Variants in NCAM1 observed in about 807,000 individuals in gnomAD.
The protein encoded by NCAM1 is antigen recognized by monoclonal antibody 5.1H11.
A neutral mutation model predicts 109.8 loss-of-function variants in NCAM1; 14 were observed. That is an observed-to-expected ratio of 0.13 (90% CI 0.08 to 0.20). The LOEUF is 0.20. Ranked by LOEUF, NCAM1 falls within the 10% of genes least tolerant of loss-of-function variation. NCAM1 has a pLI of 1.00. For missense variants in NCAM1, 774 were observed against 1,109.9 expected (o/e 0.70, Z 4.30); for synonymous variants, 418 against 442.9 (o/e 0.94, Z 0.70).
rs1945291829 is a variant in NCAM1, at chr11:113,240,596, G to A, written c.1825+5432G>A. ...TGGCAGGTGCACAGTCTCAAGGTTTGACGTTAGAGAGAGCCCTGCTCCTCG... is the reference window on the plus strand; with the variant it reads ...TGGCAGGTGCACAGTCTCAAGGTTTAACGTTAGAGAGAGCCCTGCTCCTCG... On this transcript the variant is annotated intron_variant, in intron 14 of 19. Transcript: ENST00000316851. 1.8e-5 allele frequency: 11 copies of A among 613,232 alleles called. No homozygotes were observed. The South Asian group carries it at 2.2e-4, about 12-fold the overall frequency. 38.0% of individuals were successfully genotyped at this position (613,232 alleles called of 1,614,324 possible). A position where few individuals can be genotyped will look rare whatever the true frequency, so the allele number is the denominator to read the frequency against.
chr11:112,977,715 T>C (rs1023576058), intron 1 of NCAM1, among the ~76,000 whole-genome samples: 3 of 152,002 alleles, frequency 2.0e-5, no homozygotes, highest in East Asian at 1.9e-4. Context: ...TATTGTGTAA[T>C]CTTCTGTTTA....
At chr11:113,217,883 T>C (rs782393387) in intron 8 of NCAM1, among the ~76,000 whole-genome samples, 30 of 152,184 alleles carry the variant, frequency 2.0e-4, no homozygotes, top group South Asian at 2.1e-4. Context: ...TCATCTCTAG[T>C]CCCCTTCCTG....
rs1946362406 is a variant in NCAM1 at position 113,274,418 on chromosome 11, G to A, written c.2457-849G>A. 6.6e-6 allele frequency among the ~76,000 whole-genome samples: 1 copy of A among 152,180 alleles called. No individual in the cohort carries two copies. Among genetic ancestry groups the A allele is most frequent in the African/African-American group, 2.4e-5 (1 of 41,442 alleles). On this transcript the variant is annotated intron_variant, in intron 19 of 19. Coordinates refer to ENST00000316851, the MANE Select transcript of NCAM1 (RefSeq NM_181351.5). This position sits in a 1 kb window ranked among gnomAD's most constrained non-coding sequence, Gnocchi z 4.1. ...AAATTCAGTGGCACCAGCTGAGGCT[G>A]GGGTCTGTGCCTGTCCCCATGCATC...
intron 10 of NCAM1, 128 bp from the exon 11 acceptor site, chr11:113,232,042 C>A: frequency 3.9e-6 from 4 of 1,032,792 alleles, no homozygotes; most frequent in Admixed American, 2.8e-5. Flanking sequence ...CTAGAATGGC[C>A]CTGACCTCTA....
intron 1 of NCAM1, among the ~76,000 whole-genome samples, chr11:113,058,062 A>C (rs1953777542): frequency 6.6e-6 from 1 of 152,086 alleles, no homozygotes; most frequent in Admixed American, 6.6e-5. Flanking sequence ...AGGTGGGCGT[A>C]TTATGAGGCC....
rs528459885 is a variant in NCAM1 at position 113,221,301 on chromosome 11, G to A, written c.1065G>A (p.Ser355=). 1.2e-5 allele frequency: 19 copies of A among 1,564,960 alleles called. No homozygotes were observed. In the East Asian group the frequency reaches 1.6e-4, roughly 13 times the overall value. Residue 355 remains serine, a synonymous_variant, in exon 9 of 20, where the codon TCG becomes TCA. Coordinates refer to ENST00000316851, the MANE Select transcript of NCAM1 (RefSeq NM_181351.5). ...TRNISSEEKA[S]WTRPEKQETL... is the part of the protein sequence containing the mutation. ...TTATATCTTGTTTTCTCCAGGCTTC[G>A]TGGACTCGACCAGAGAAGCAAGAGG...
At chr11:113,190,101 A>G (rs1453330573) in intron 1 of NCAM1, among the ~76,000 whole-genome samples, 1 of 151,958 alleles carries the variant, frequency 6.6e-6, no homozygotes, top group African/African-American at 2.4e-5. Flanking sequence ...CTCCCAACTG[A>G]CTCCACCTAA....
intron 13 of NCAM1, among the ~76,000 whole-genome samples, chr11:113,234,616 G>A (rs1395286825): frequency 6.6e-6 from 1 of 152,222 alleles, no homozygotes; most frequent in Non-Finnish European, 1.5e-5. Flanking sequence ...GTTGTAGCAT[G>A]TGTCAGAATT....
At chr11:113,009,316 T>TTTTTTTGTTG (rs1951975687) in intron 1 of NCAM1, among the ~76,000 whole-genome samples, 1 of 99,224 alleles carries the variant, frequency 1.0e-5, no homozygotes, top group African/African-American at 4.2e-5. Context: ...TTTCGGGTTT[T>TTTTTTTGTTG]TTTTTTTTTT....
intron 1 of NCAM1, among the ~76,000 whole-genome samples, chr11:112,976,419 A>G (rs1181752697): frequency 1.3e-5 from 2 of 151,910 alleles, no homozygotes; most frequent in Admixed American, 6.6e-5. Flanking sequence ...TATTAAATGT[A>G]CAAAGGAGGA....
rs562102308 is a variant in NCAM1, at chr11:113,082,709, G to A, written c.53-119670G>A. ...GTGCTTGACACATCTATGACTGAAC[G>A]CAGGACAATGCCGGATCATGTCGGT... On this transcript the variant is annotated intron_variant, in intron 1 of 19. Transcript: ENST00000316851. 1.2e-4 allele frequency among the ~76,000 whole-genome samples: 19 copies of A among 152,318 alleles called. No individual in the cohort carries two copies. In the South Asian group the frequency reaches 3.9e-3, roughly 32 times the overall value.
chr11:113,107,842 G>A (rs575543950), intron 1 of NCAM1, among the ~76,000 whole-genome samples: 32 of 152,280 alleles, frequency 2.1e-4, no homozygotes, highest in Non-Finnish European at 4.0e-4. Flanking sequence ...AGGGAGTGTA[G>A]TCCTCTGCAG....
chr11:113,107,579 TTATGTGC>T lies in NCAM1; in HGVS notation c.53-94798_53-94792del, dbSNP rs1207799291. Among the ~76,000 whole-genome samples the T allele has an allele frequency of 2.0e-5, 3 of 152,144 alleles. No homozygotes were observed. The East Asian group carries it at 5.8e-4, about 29-fold the overall frequency. ...CATGGTGGAAGGGGAAAGGCATTTC[TTATGTGC>T]TGACAGGCAAGAGAGAGAATGAGAA... is the stretch of plus-strand genomic sequence containing the variant. On this transcript the variant is annotated intron_variant, in intron 1 of 19. Coordinates refer to ENST00000316851, the MANE Select transcript of NCAM1 (RefSeq NM_181351.5).
At chr11:113,191,136 C>G (rs969256578) in intron 1 of NCAM1, among the ~76,000 whole-genome samples, 2 of 152,160 alleles carry the variant, frequency 1.3e-5, no homozygotes, top group East Asian at 3.9e-4. Context: ...CGACCCCATC[C>G]CTGTTGGCAT....
intron 1 of NCAM1, among the ~76,000 whole-genome samples, chr11:113,184,048 T>C (rs1333368604): frequency 3.3e-5 from 5 of 152,238 alleles, no homozygotes; most frequent in Non-Finnish European, 5.9e-5. Context: ...GCAGTGGCTA[T>C]GAATTCCCAA....
At chr11:113,177,724 G>A (rs1275918737) in intron 1 of NCAM1, among the ~76,000 whole-genome samples, 5 of 152,080 alleles carry the variant, frequency 3.3e-5, no homozygotes, top group South Asian at 2.1e-4. Context: ...ATGAGGCACC[G>A]CACCTGGCAG....
At chr11:113,110,769 C>T (rs192871097) in intron 1 of NCAM1, among the ~76,000 whole-genome samples, 14 of 152,232 alleles carry the variant, frequency 9.2e-5, no homozygotes, top group Admixed American at 7.2e-4. Flanking sequence ...TAAAAGTAAG[C>T]TTGTGGCCTG....
chr11:112,972,317 T>C (rs1950906302), intron 1 of NCAM1, among the ~76,000 whole-genome samples: 3 of 152,220 alleles, frequency 2.0e-5, no homozygotes, highest in African/African-American at 7.2e-5. Flanking sequence ...AAAAACACCA[T>C]GAGTTATGGT....
chr11:113,229,938 TG>T (rs1192390391), intron 9 of NCAM1, among the ~76,000 whole-genome samples: 1 of 147,244 alleles, frequency 6.8e-6, no homozygotes, highest in Non-Finnish European at 1.5e-5. Context: ...TGTTGTGGGG[TG>T]GGGGGAGCGG....
Sources: gnomAD v4.1 joint callset for allele counts (sites outside exome capture counted in the v4.1 genomes callset) on GRCh38, gnomAD v4.1.1 for gene constraint, Gnocchi (gnomAD v3.1) non-coding constraint, MANE v1.5 for transcripts, NCBI Gene and HGNC (gene_info 2026-07-23, HGNC 2026-07-21) for gene names.